CORIN: variants seen among roughly 807,000 people sequenced by gnomAD.
CORIN encodes the protein corin, serine peptidase.
CORIN carries 117 observed loss-of-function variants against 125.3 expected under a neutral mutation model. The observed-to-expected ratio is 0.93, with a 90% CI of 0.80 to 1.09. The LOEUF (loss-of-function observed/expected upper bound fraction) is 1.09. CORIN is among the 50% of genes least tolerant of loss of function. The pLI is 0.00. For synonymous variants in CORIN, 450 were observed against 466.4 expected (o/e 0.96, Z 0.45); for missense variants, 1,253 against 1,306.7 (o/e 0.96, Z 0.63).
chr4:47,632,020 A>G (rs535285340), intron 16 of CORIN, among the ~76,000 whole-genome samples: 83 of 152,352 alleles, frequency 5.4e-4, no homozygotes, highest in African/African-American at 1.9e-3. Flanking sequence ...GAGAACAGCC[A>G]GATCCCTAGA....
chr4:47,692,084 C>T (rs919715524), intron 6 of CORIN, among the ~76,000 whole-genome samples: 1 of 147,536 alleles, frequency 6.8e-6, no homozygotes, highest in African/African-American at 2.5e-5. Flanking sequence ...GCAAACAGAC[C>T]AGAAGAATTT....
chr4:47,829,300 T>G (rs1379088433), intron 1 of CORIN, among the ~76,000 whole-genome samples: 2 of 152,222 alleles, frequency 1.3e-5, no homozygotes, highest in Non-Finnish European at 2.9e-5. Flanking sequence ...TTTTGCTTTT[T>G]CAGTGCAGCT....
At position 47,665,201 on chromosome 4, in the gene CORIN, G is replaced by T. The variant is rs753279224; in HGVS notation, c.1420C>A (p.Pro474Thr). Residue 474 changes from proline (P) to threonine (T), a missense_variant, in exon 11 of 22, where the codon CCA (proline) becomes ACA (threonine). Transcript: ENST00000273857. ...TGAGTCCTGTGGCCAAAATAATTTG[G>T]ATAACTTGTACTGTTGTAGGGCAAA... is the stretch of plus-strand genomic sequence containing the variant. ...MNLPYNSTSY[P>T]NYFGHRTQKE... 1 of 1,614,002 alleles carries T rather than the reference G, an allele frequency of 6.2e-7. No individual in the cohort carries two copies. The highest frequency in any genetic ancestry group is 2.2e-5 in the East Asian group (1 of 44,862).
intron 5 of CORIN, among the ~76,000 whole-genome samples, chr4:47,731,548 G>A (rs1171601187): frequency 6.6e-6 from 1 of 152,146 alleles, no homozygotes; most frequent in Non-Finnish European, 1.5e-5. Flanking sequence ...CAGGTGAAGA[G>A]TTTATCAGGT....
chr4:47,772,941 ATTT>A (rs1352372879), intron 3 of CORIN, among the ~76,000 whole-genome samples: 1 of 152,130 alleles, frequency 6.6e-6, no homozygotes, highest in African/African-American at 2.4e-5. Context: ...ATAATTATTC[ATTT>A]ATATAGGAAC....
intron 6 of CORIN, among the ~76,000 whole-genome samples, chr4:47,685,439 A>G (rs1725468469): frequency 6.6e-6 from 1 of 152,196 alleles, no homozygotes; most frequent in Non-Finnish European, 1.5e-5. Context: ...TGACTCGTTT[A>G]TGGAATTCCC....
At chr4:47,608,806 AG>A (rs1721759080) in intron 19 of CORIN, among the ~76,000 whole-genome samples, 1 of 152,186 alleles carries the variant, frequency 6.6e-6, no homozygotes. Flanking sequence ...ACAGAATTGC[AG>A]GCACAATGTC....
At chr4:47,797,479 G>A (rs1192812651) in intron 2 of CORIN, among the ~76,000 whole-genome samples, 1 of 151,764 alleles carries the variant, frequency 6.6e-6, no homozygotes, top group Non-Finnish European at 1.5e-5. Context: ...TCCAACTGTT[G>A]GTCAACTTTA....
chr4:47,706,678 G>A (rs1577847565), intron 5 of CORIN: 1 of 1,609,428 alleles, frequency 6.2e-7, no homozygotes, highest in Non-Finnish European at 8.5e-7. Context: ...AGTCCGTTGC[G>A]GAGGAGCGAG....
chr4:47,685,409 T>C (rs1725467263), intron 6 of CORIN, among the ~76,000 whole-genome samples: 1 of 152,134 alleles, frequency 6.6e-6, no homozygotes, highest in African/African-American at 2.4e-5. Context: ...AGAAATCAGA[T>C]ACAAAAATTA....
At chr4:47,730,113 C>A (rs1377584772) in intron 5 of CORIN, among the ~76,000 whole-genome samples, 1 of 152,210 alleles carries the variant, frequency 6.6e-6, no homozygotes, top group Non-Finnish European at 1.5e-5. Context: ...TGGCTCCCTG[C>A]CCTTGCGATA....
intron 5 of CORIN, among the ~76,000 whole-genome samples, chr4:47,738,910 T>C (rs1293378935): frequency 1.3e-5 from 2 of 151,722 alleles, no homozygotes; most frequent in Non-Finnish European, 2.9e-5. Context: ...CAGTAAAATA[T>C]ATAATAACTG....
chr4:47,749,244 C>A (rs1303291612), intron 4 of CORIN, among the ~76,000 whole-genome samples: 1 of 152,092 alleles, frequency 6.6e-6, no homozygotes, highest in Non-Finnish European at 1.5e-5. Context: ...GAGTGATTTG[C>A]TCCCAACCAA....
In CORIN at chr4:47,603,484, G is replaced by A. The variant is rs182487045; in HGVS notation, c.2725C>T (p.Arg909Trp). ...SEDISETGYV[R>W]PVCLPNPEQW... ...TCCGGGTTGGGCAAGCAGACAGGCCGGACGTAGCCAGTCTCACTGATGTCT... is the reference window on the plus strand; with the variant it reads ...TCCGGGTTGGGCAAGCAGACAGGCCAGACGTAGCCAGTCTCACTGATGTCT... The change falls in exon 20 of 22, where the codon CGG (arginine) becomes TGG (tryptophan). Residue 909 changes from arginine (R) to tryptophan (W), a missense_variant. By Grantham distance (101) the Arg-to-Trp change is moderately radical. Transcript: ENST00000273857. 5.9e-5 allele frequency: 96 copies of A among 1,614,128 alleles called. No homozygotes were observed. The highest frequency in any genetic ancestry group is 2.0e-4 in the East Asian group (9 of 44,870).
intron 4 of CORIN, among the ~76,000 whole-genome samples, chr4:47,757,977 G>A (rs191846578): frequency 5.4e-4 from 81 of 150,092 alleles, no homozygotes; most frequent in African/African-American, 1.7e-3. Context: ...GCAGTGGCAC[G>A]ATCTCAGCTC....
Position 47,704,596 on chromosome 4 carries a change from C to G in CORIN, c.800-11513G>C, listed in dbSNP as rs921561744. ...AGCCCTGAGTCAAGCAGAGAATGGT[C>G]TACTTTATCCATAAAGAGGGAACGC... On this transcript the variant is annotated intron_variant, in intron 5 of 21. Transcript: ENST00000273857. Among the ~76,000 whole-genome samples the G allele has an allele frequency of 8.6e-4, 131 of 152,036 alleles. 4 individuals are homozygous for G. The highest frequency in any genetic ancestry group is 8.5e-3 in the Admixed American group (130 of 15,254).
Position 47,837,946 on chromosome 4 carries a change from T to C in CORIN, c.4A>G (p.Lys2Glu), listed in dbSNP as rs149190386. The change falls in exon 1 of 22, where the codon AAA (lysine) becomes GAA (glutamate). Residue 2 changes from lysine to glutamate, a missense_variant. Transcript: ENST00000273857. MKQSPALAPEER... is the reference protein window; with the variant it reads MEQSPALAPEER... Reference sequence around the variant, plus strand: ...TCCGGAGCGAGGGCAGGAGACTGTTTCATGGATAAAAAGTCTCGCTTATTC... The same window carrying C: ...TCCGGAGCGAGGGCAGGAGACTGTTCCATGGATAAAAAGTCTCGCTTATTC... 3.1e-6 allele frequency: 5 copies of C among 1,612,836 alleles called. No individual in the cohort carries two copies. The highest frequency in any genetic ancestry group is 2.7e-5 in the African/African-American group (2 of 74,940).
At chr4:47,817,560 T>C (rs1448328223) in intron 1 of CORIN, among the ~76,000 whole-genome samples, 2 of 152,228 alleles carry the variant, frequency 1.3e-5, no homozygotes, top group East Asian at 3.9e-4. Context: ...CTTCTGGAGG[T>C]GAACAGGACA....
At chr4:47,670,247 A>T (rs1319229300) in intron 10 of CORIN, among the ~76,000 whole-genome samples, 1 of 152,252 alleles carries the variant, frequency 6.6e-6, no homozygotes, top group Non-Finnish European at 1.5e-5. Flanking sequence ...TGATGTTAGC[A>T]GCTGTAGATG....
Sources: allele counts gnomAD v4.1 joint callset (sites outside exome capture counted in the v4.1 genomes callset), GRCh38; gene constraint gnomAD v4.1.1; transcripts MANE v1.5; gene names NCBI Gene and HGNC (gene_info 2026-07-23, HGNC 2026-07-21).